The following DOCK1 variants were observed in gnomAD, a reference collection of about 807,000 sequenced individuals.
The protein encoded by DOCK1 is dedicator of cytokinesis 1.
In DOCK1, 138 loss-of-function variants were observed where a neutral mutation model predicts 262.7. The observed-to-expected ratio is 0.53, with a 90% CI of 0.46 to 0.61. The LOEUF (loss-of-function observed/expected upper bound fraction) is 0.61. Among genes scored for constraint, DOCK1 ranks in the 20% least tolerant of loss-of-function variants. DOCK1 has a pLI of 0.00. For synonymous variants in DOCK1, 866 were observed against 867.4 expected, an observed-to-expected ratio of 1.00 and a Z score of 0.03; for missense variants, 1,908 against 2,370.7, an observed-to-expected ratio of 0.80 and a Z score of 4.05.
At chr10:127,163,447 C>T (rs1454704996) in intron 27 of DOCK1, among the ~76,000 whole-genome samples, 5 of 152,208 alleles carry the variant, frequency 3.3e-5, no homozygotes, top group East Asian at 3.9e-4. Context: ...TGTTCCCGGG[C>T]GGGCAAACTT....
At chr10:127,345,712 G>T (rs1393256818) in intron 31 of DOCK1, among the ~76,000 whole-genome samples, 2 of 152,218 alleles carry the variant, frequency 1.3e-5, no homozygotes, top group African/African-American at 4.8e-5. Context: ...GGCCTGCACA[G>T]GTGTCTGTCG....
chr10:127,141,806 AC>A (rs1253826247), intron 27 of DOCK1, among the ~76,000 whole-genome samples: 4 of 152,188 alleles, frequency 2.6e-5, no homozygotes, highest in Non-Finnish European at 4.4e-5. Context: ...CTTGCCACAG[AC>A]AAATAGGGCT....
Position 126,981,918 on chromosome 10 carries a change from G to A in DOCK1, c.172G>A (p.Gly58Ser). Reference protein sequence around the residue: ...GYTLRKKSKKGIFPASYIHLK... With the variant: ...GYTLRKKSKKSIFPASYIHLK... ...TACTGTTTTTTTTTTCCTCCCAAAG[G>A]GTATATTTCCTGCTTCATATATTCA... The change falls in exon 4 of 52, where the codon GGT becomes AGT. Residue 58 changes from glycine to serine, a missense_variant and splice_region_variant. Coordinates refer to ENST00000623213, the MANE Select transcript of DOCK1 (RefSeq NM_001290223.2). The A allele has an allele frequency of 6.2e-7, 1 of 1,612,152 alleles. No individual in the cohort carries two copies. Among genetic ancestry groups the A allele is most frequent in the Non-Finnish European group, 8.5e-7 (1 of 1,179,224 alleles).
chr10:126,915,056 G>A (rs553216327), intron 1 of DOCK1, among the ~76,000 whole-genome samples: 5 of 152,318 alleles, frequency 3.3e-5, no homozygotes, highest in East Asian at 3.9e-4. Context: ...CAGACCTGCA[G>A]CAAGTGGGGT....
intron 27 of DOCK1, among the ~76,000 whole-genome samples, chr10:127,143,031 C>T (rs1442235145): frequency 6.6e-6 from 1 of 152,160 alleles, no homozygotes; most frequent in African/African-American, 2.4e-5. Flanking sequence ...TCCCCGCTGC[C>T]GCATGTGATT....
At chr10:127,358,465 CTG>C (rs1361874186) in intron 32 of DOCK1, among the ~76,000 whole-genome samples, 2 of 152,210 alleles carry the variant, frequency 1.3e-5, no homozygotes, top group African/African-American at 4.8e-5. Flanking sequence ...AAAGCGCACT[CTG>C]TGCAGCAGCC....
At chr10:127,225,078 A>C (rs756690289) in intron 27 of DOCK1, among the ~76,000 whole-genome samples, 7 of 152,160 alleles carry the variant, frequency 4.6e-5, no homozygotes, top group African/African-American at 1.4e-4. Flanking sequence ...CATTAAATCT[A>C]TTCTCTTCCT....
intron 1 of DOCK1, among the ~76,000 whole-genome samples, chr10:126,942,921 T>A (rs1371890924): frequency 1.3e-5 from 2 of 152,222 alleles, no homozygotes; most frequent in Non-Finnish European, 2.9e-5. Flanking sequence ...TCCTAAAATA[T>A]ATTGATTTCT....
At chr10:127,364,467 AG>A (rs2064783559) in intron 33 of DOCK1, among the ~76,000 whole-genome samples, 1 of 152,160 alleles carries the variant, frequency 6.6e-6, no homozygotes, top group East Asian at 1.9e-4. Flanking sequence ...CCCGGGTTCA[AG>A]TGATTCTCCT....
At chr10:127,363,036 T>TCCC (rs1275449089) in intron 33 of DOCK1, among the ~76,000 whole-genome samples, 1 of 63,440 alleles carries the variant, frequency 1.6e-5, no homozygotes, top group African/African-American at 7.1e-5. Flanking sequence ...CACATGCACC[T>TCCC]CCCCCCACAC....
chr10:127,257,455 C>T lies in DOCK1; in HGVS notation c.3044+26C>T, dbSNP rs781568884. On this transcript the variant is annotated intron_variant, in intron 29 of 51. Transcript: ENST00000623213. ...GTAAGTGTGGGGAAAACGGCTCTCA[C>T]CTTTTCTATGGCTCCCAATTCATGT... is the stretch of plus-strand genomic sequence containing the variant. The T allele has an allele frequency of 2.6e-6, 4 of 1,567,198 alleles. No homozygotes were observed. The South Asian group carries it at 3.5e-5, about 14-fold the overall frequency.
At chr10:127,068,368 A>G (rs2045998081) in intron 23 of DOCK1, among the ~76,000 whole-genome samples, 1 of 152,238 alleles carries the variant, frequency 6.6e-6, no homozygotes, top group Non-Finnish European at 1.5e-5. Flanking sequence ...ATTTAAGATC[A>G]GATGGAATAG....
chr10:127,403,386 A>G (rs1013065408), intron 39 of DOCK1, among the ~76,000 whole-genome samples: 28 of 152,232 alleles, frequency 1.8e-4, no homozygotes, highest in African/African-American at 6.5e-4. Context: ...TTCTATGAAT[A>G]AATTGTACGT....
chr10:127,401,859 C>T (rs2067244021), intron 38 of DOCK1, among the ~76,000 whole-genome samples: 1 of 152,196 alleles, frequency 6.6e-6, no homozygotes, highest in Admixed American at 6.5e-5. Context: ...GTCAATTAAA[C>T]TCTTTCTTTA....
intron 27 of DOCK1, among the ~76,000 whole-genome samples, chr10:127,158,739 G>A (rs2053316449): frequency 6.6e-6 from 1 of 152,194 alleles, no homozygotes; most frequent in African/African-American, 2.4e-5. Flanking sequence ...GGGTGCTAAT[G>A]ATAAGCATGT....
At chr10:126,916,383 T>G (rs1204076340) in intron 1 of DOCK1, among the ~76,000 whole-genome samples, 1 of 152,246 alleles carries the variant, frequency 6.6e-6, no homozygotes, top group African/African-American at 2.4e-5. Context: ...CATTGTGAGT[T>G]TCACTTTCCT....
At position 127,026,522 on chromosome 10, in the gene DOCK1, T is replaced by TAACA. The variant is rs141576526; in HGVS notation, c.1624+99_1624+102dup. 5.5e-3 allele frequency: 5,940 copies of TAACA among 1,089,200 alleles called. 53 individuals carry two copies. Among genetic ancestry groups the TAACA allele is most frequent in the African/African-American group, 0.034 (2,148 of 63,344 alleles). 67.5% of individuals were successfully genotyped at this position (1,089,200 alleles called of 1,614,324 possible). A position where few individuals can be genotyped will look rare whatever the true frequency, so the allele number is the denominator to read the frequency against. ...TCAGTTGTTCTGGAACTCGCTATCA[T>TAACA]AACACAATAAGGCTCATTTCCCACC... On this transcript the variant is annotated intron_variant, in intron 16 of 51. Coordinates refer to ENST00000623213, the MANE Select transcript of DOCK1 (RefSeq NM_001290223.2).
chr10:127,426,179 A>T (rs1371540016), intron 47 of DOCK1, among the ~76,000 whole-genome samples, 168 bp downstream of exon 47: 1 of 152,194 alleles, frequency 6.6e-6, no homozygotes, highest in Non-Finnish European at 1.5e-5. Flanking sequence ...GTCTACCGGC[A>T]ACTCAGCAAC....
At chr10:127,170,142 G>C (rs549051119) in intron 27 of DOCK1, among the ~76,000 whole-genome samples, 1 of 152,170 alleles carries the variant, frequency 6.6e-6, no homozygotes, top group East Asian at 1.9e-4. Context: ...GATGATGGGA[G>C]GTGATAAATG....
Sources: gnomAD v4.1 joint callset for allele counts (sites outside exome capture counted in the v4.1 genomes callset) on GRCh38, gnomAD v4.1.1 for gene constraint, MANE v1.5 for transcripts, NCBI Gene and HGNC (gene_info 2026-07-23, HGNC 2026-07-21) for gene names.